Variants in CENPW observed in about 807,000 individuals in gnomAD.
CENPW encodes centromere protein W, also known as cancer-up-regulated gene 2 protein.
Under a neutral mutation model 11.1 loss-of-function variants are expected in CENPW, and 3 were observed. The observed-to-expected ratio is 0.27, with a 90% CI of 0.12 to 0.70. CENPW has a LOEUF of 0.70. CENPW is among the 30% of genes least tolerant of loss of function. The pLI, the probability that CENPW is intolerant of heterozygous loss-of-function variation, is 0.77. For missense variants in CENPW, 100 were observed against 105.6 expected (o/e 0.95, Z 0.23); for synonymous variants, 38 against 42.0 (o/e 0.91, Z 0.37).
the CENPW span, among the ~76,000 whole-genome samples, chr6:126,443,408 C>T: frequency 0.023 from 3,442 of 151,132 alleles, 48 homozygotes; most frequent in Middle Eastern, 0.051. Context: ...TGTAAACTAG[C>T]GGGATTTGGA....
the CENPW span, among the ~76,000 whole-genome samples, chr6:126,357,908 GTTC>G: frequency 2.2e-4 from 34 of 152,212 alleles, no homozygotes; most frequent in South Asian, 3.9e-3. Flanking sequence ...CGCCTGGCCA[GTTC>G]TTCTTATAGG....
At chr6:126,376,689 T>C in the CENPW span, among the ~76,000 whole-genome samples, 3 of 152,212 alleles carry the variant, frequency 2.0e-5, no homozygotes, top group African/African-American at 7.2e-5. Flanking sequence ...TCACAAATCA[T>C]GTTTTTAGAT....
intron 1 of CENPW, among the ~76,000 whole-genome samples, chr6:126,342,372 C>T (rs1780331027): frequency 6.6e-6 from 1 of 152,154 alleles, no homozygotes; most frequent in African/African-American, 2.4e-5. Context: ...TTTTTCTGAA[C>T]TTGGACAGCA....
At chr6:126,480,921 CATT>C in the CENPW span, among the ~76,000 whole-genome samples, 4 of 151,954 alleles carry the variant, frequency 2.6e-5, no homozygotes, top group Middle Eastern at 3.4e-3. Context: ...TATTCTAAAA[CATT>C]ATATTCTAAA....
chr6:126,340,711 G>A (rs1336621271), intron 1 of CENPW, among the ~76,000 whole-genome samples: 1 of 152,110 alleles, frequency 6.6e-6, no homozygotes, highest in Non-Finnish European at 1.5e-5. Flanking sequence ...ACACAATCTG[G>A]CACCGTGATT....
chr6:126,478,257 A>C, the CENPW span, among the ~76,000 whole-genome samples: 3 of 151,954 alleles, frequency 2.0e-5, no homozygotes, highest in Non-Finnish European at 4.4e-5. Context: ...GAAGTGGCCA[A>C]TCTGAGTGAA....
At chr6:126,404,853 G>A in the CENPW span, among the ~76,000 whole-genome samples, 1 of 119,844 alleles carries the variant, frequency 8.3e-6, no homozygotes, top group South Asian at 3.7e-4. Flanking sequence ...AAAGTATTTG[G>A]GTTTTTTTTT....
the CENPW span, among the ~76,000 whole-genome samples, chr6:126,413,054 T>A: frequency 6.6e-6 from 1 of 152,184 alleles, no homozygotes; most frequent in African/African-American, 2.4e-5. Flanking sequence ...AAATAATTTT[T>A]ACCAGTTATG....
At chr6:126,436,411 A>G in the CENPW span, among the ~76,000 whole-genome samples, 2 of 151,908 alleles carry the variant, frequency 1.3e-5, no homozygotes, top group African/African-American at 4.8e-5. Context: ...CATCACTTCT[A>G]TGGAATCTAT....
the CENPW span, among the ~76,000 whole-genome samples, chr6:126,457,001 T>C: frequency 6.6e-6 from 1 of 151,556 alleles, no homozygotes; most frequent in Admixed American, 6.6e-5. Flanking sequence ...TGATACCATC[T>C]CACACCAGTC....
At chr6:126,383,613 T>C in the CENPW span, among the ~76,000 whole-genome samples, 3 of 151,214 alleles carry the variant, frequency 2.0e-5, no homozygotes, top group African/African-American at 7.3e-5. Context: ...GAAAAAAAAA[T>C]CAGGGGTTGC....
chr6:126,401,772 CCTCA>C, the CENPW span, among the ~76,000 whole-genome samples: 4 of 151,856 alleles, frequency 2.6e-5, no homozygotes, highest in African/African-American at 7.3e-5. Flanking sequence ...TCTCTTTATC[CCTCA>C]CTATGTCCTG....
At chr6:126,462,050 G>C in the CENPW span, among the ~76,000 whole-genome samples, 1 of 151,926 alleles carries the variant, frequency 6.6e-6, no homozygotes, top group African/African-American at 2.4e-5. Flanking sequence ...TCATTTAAAA[G>C]AAGAGAGTTG....
the CENPW span, among the ~76,000 whole-genome samples, chr6:126,407,844 T>C: frequency 1.3e-5 from 2 of 152,228 alleles, no homozygotes; most frequent in Non-Finnish European, 2.9e-5. Flanking sequence ...CTTTGTCAGA[T>C]GAATAGATTG....
the CENPW span, among the ~76,000 whole-genome samples, chr6:126,417,417 T>C: frequency 6.6e-6 from 1 of 152,102 alleles, no homozygotes; most frequent in African/African-American, 2.4e-5. Context: ...AAGACATAAT[T>C]GGTTTTGAAA....
chr6:126,348,373 A>G (rs1780448549), intron 2 of CENPW, 93 bp from the exon 3 acceptor site: 3 of 704,562 alleles, frequency 4.3e-6, no homozygotes, highest in East Asian at 5.7e-5. Context: ...AGTCTTGCAT[A>G]TTATGCACCC....
At chr6:126,396,433 T>A in the CENPW span, among the ~76,000 whole-genome samples, 2 of 152,254 alleles carry the variant, frequency 1.3e-5, no homozygotes, top group Admixed American at 1.3e-4. Context: ...GTCCTGAAAC[T>A]CGCCCTTCAA....
At chr6:126,346,139 T>C in intron 1 of CENPW, 66 bp from the exon 2 acceptor site, 1 of 811,746 alleles carries the variant, frequency 1.2e-6, no homozygotes. Context: ...AACTAATTTT[T>C]AAAAATATTA....
At chr6:126,388,968 A>G in the CENPW span, among the ~76,000 whole-genome samples, 3 of 152,032 alleles carry the variant, frequency 2.0e-5, no homozygotes, top group East Asian at 1.9e-4. Flanking sequence ...AAGGGTTTCC[A>G]TAGATTTGAT....
Sources: gnomAD v4.1 joint callset for allele counts (sites outside exome capture counted in the v4.1 genomes callset) on GRCh38, gnomAD v4.1.1 for gene constraint, MANE v1.5 for transcripts, NCBI Gene and HGNC (gene_info 2026-07-23, HGNC 2026-07-21) for gene names.